PRKAA2: variants seen among roughly 807,000 people sequenced by gnomAD.
PRKAA2 encodes protein kinase AMP-activated catalytic subunit alpha 2.
In PRKAA2, 40 loss-of-function variants were observed where a neutral mutation model predicts 56.3. The observed-to-expected ratio is 0.71, with a 90% CI of 0.55 to 0.92. The LOEUF (loss-of-function observed/expected upper bound fraction) is 0.92. Ranked by LOEUF, PRKAA2 falls within the 40% of genes least tolerant of loss-of-function variation. The pLI is 0.00. For synonymous variants in PRKAA2, 214 were observed against 234.2 expected (o/e 0.91, Z 0.79); for missense variants, 542 against 686.9 (o/e 0.79, Z 2.36).
chr1:56,710,864 AC>A lies in PRKAA2; in HGVS notation c.*3152del, dbSNP rs1644365102. 1 of 152,104 alleles carries A rather than the reference AC, an allele frequency of 6.6e-6. No individual in the cohort carries two copies. The highest frequency in any genetic ancestry group is 2.4e-5 in the African/African-American group (1 of 41,450). 9.4% of individuals were successfully genotyped at this position (152,104 alleles called of 1,614,324 possible). ...TAATGAATCAGTGTCACTGATTCTT[AC>A]TTTTAAAATGTGTAGTCAGTGAACA... On this transcript the variant is annotated 3_prime_UTR_variant, in exon 9 of 9. Coordinates refer to ENST00000371244, the MANE Select transcript of PRKAA2 (RefSeq NM_006252.4).
At chr1:56,698,919 C>A (rs1644276011) in intron 6 of PRKAA2, among the ~76,000 whole-genome samples, 1 of 152,090 alleles carries the variant, frequency 6.6e-6, no homozygotes. Context: ...TCTTTGTGTT[C>A]TCCAGGTATC....
At chr1:56,684,524 C>A (rs1454526853) in intron 2 of PRKAA2, among the ~76,000 whole-genome samples, 2 of 151,882 alleles carry the variant, frequency 1.3e-5, no homozygotes. Context: ...GAGGAGGAAC[C>A]AGTAAAAGAG....
At chr1:56,680,504 C>T (rs1644145771) in intron 2 of PRKAA2, among the ~76,000 whole-genome samples, 1 of 152,110 alleles carries the variant, frequency 6.6e-6, no homozygotes, top group African/African-American at 2.4e-5. Context: ...GCTATCCCTC[C>T]CCTCTCCTGC....
intron 1 of PRKAA2, among the ~76,000 whole-genome samples, chr1:56,653,146 AT>A (rs143828673): frequency 0.43 from 65,465 of 151,078 alleles, 14,681 homozygotes; most frequent in Middle Eastern, 0.54. Flanking sequence ...TTGGTTCCAA[AT>A]AATGAAATTA....
In PRKAA2 at chr1:56,655,260, T is replaced by TTATATACATATA. The variant is rs368198472; in HGVS notation, c.94+9785_94+9786insCATATATATATA. On this transcript the variant is annotated intron_variant, in intron 1 of 8. Transcript: ENST00000371244. The stretch of plus-strand genomic sequence containing the variant: ...TTACTGTTTCTCACAATGTATGTAT[T>TTATATACATATA]TATATATCTATATATATATATTTTT... 6.3e-3 allele frequency among the ~76,000 whole-genome samples: 451 copies of TTATATACATATA among 71,212 alleles called. 34 individuals are homozygous for TTATATACATATA. The highest frequency in any genetic ancestry group is 0.024 in the Middle Eastern group (2 of 84). 46.7% of individuals were successfully genotyped at this position (71,212 alleles called of 152,430 possible).
At chr1:56,687,964 A>T (rs140152156) in intron 2 of PRKAA2, among the ~76,000 whole-genome samples, 1 of 152,112 alleles carries the variant, frequency 6.6e-6, no homozygotes, top group South Asian at 2.1e-4. Flanking sequence ...TTTCTGAAAA[A>T]TTTTTAAACT....
At position 56,709,637 on chromosome 1, in the gene PRKAA2, T is replaced by G. The variant is rs1644356716; in HGVS notation, c.*1924T>G. Reference sequence around the variant, plus strand: ...ACAGGGCCACCTCATAATATTTGCCTGATTATGAATGGAATTACCTTAGAA... The same window carrying G: ...ACAGGGCCACCTCATAATATTTGCCGGATTATGAATGGAATTACCTTAGAA... On this transcript the variant is annotated 3_prime_UTR_variant, in exon 9 of 9. Coordinates refer to ENST00000371244, the MANE Select transcript of PRKAA2 (RefSeq NM_006252.4). The G allele has an allele frequency of 6.6e-6, 1 of 152,114 alleles. No individual in the cohort carries two copies. Among genetic ancestry groups the G allele is most frequent in the African/African-American group, 2.4e-5 (1 of 41,444 alleles). 9.4% of individuals were successfully genotyped at this position (152,114 alleles called of 1,614,324 possible).
chr1:56,658,587 T>TC (rs35263676), intron 1 of PRKAA2, among the ~76,000 whole-genome samples: 9,667 of 129,916 alleles, frequency 0.074, 1,047 homozygotes, highest in African/African-American at 0.18. Context: ...TTTTTTTTCT[T>TC]CCCCCCCCCC....
At chr1:56,665,546 A>T (rs1325804502) in intron 1 of PRKAA2, among the ~76,000 whole-genome samples, 2 of 152,190 alleles carry the variant, frequency 1.3e-5, no homozygotes, top group Non-Finnish European at 2.9e-5. Flanking sequence ...AATACTTGGG[A>T]GTGAAATCAC....
At chr1:56,689,897 GACACACACACACACACAC>G (rs3034077) in intron 2 of PRKAA2, among the ~76,000 whole-genome samples, 80 of 147,142 alleles carry the variant, frequency 5.4e-4, no homozygotes, top group South Asian at 2.9e-3. Flanking sequence ...CAGACACACA[GACACACACACACACACAC>G]ACACACACAC....
chr1:56,649,770 C>A (rs1646672428), intron 1 of PRKAA2, among the ~76,000 whole-genome samples: 1 of 152,216 alleles, frequency 6.6e-6, no homozygotes, highest in Non-Finnish European at 1.5e-5. Flanking sequence ...TCCCACCATG[C>A]CCAACTTTGA....
intron 7 of PRKAA2, among the ~76,000 whole-genome samples, chr1:56,705,519 C>T (rs560944800): frequency 6.6e-6 from 1 of 152,164 alleles, no homozygotes; most frequent in South Asian, 2.1e-4. Flanking sequence ...CCTCAGCCTC[C>T]CTAGTAGCTG....
intron 7 of PRKAA2, 88 bp from the exon 8 acceptor site, chr1:56,706,004 C>T (rs761398464): frequency 7.1e-6 from 8 of 1,133,138 alleles, no homozygotes; most frequent in Non-Finnish European, 9.9e-6. Flanking sequence ...TTTCCTACCT[C>T]ACCCCTATTA....
At position 56,708,932 on chromosome 1, in the gene PRKAA2, GTTTT is replaced by G. The variant is rs1644351445; in HGVS notation, c.*1223_*1226del. 2 of 151,716 alleles carry G rather than the reference GTTTT, an allele frequency of 1.3e-5. No homozygotes were observed. Among genetic ancestry groups the G allele is most frequent in the Non-Finnish European group, 1.5e-5 (1 of 67,956 alleles). 9.4% of individuals were successfully genotyped at this position (151,716 alleles called of 1,614,324 possible). ...CACCAGTGCTTTTAAGCAAAAACCA[GTTTT>G]TTTGTTTGTTTGTTTTGCTTTGTGC... On this transcript the variant is annotated 3_prime_UTR_variant, in exon 9 of 9. Transcript: ENST00000371244.
intron 1 of PRKAA2, among the ~76,000 whole-genome samples, chr1:56,666,865 A>C (rs918031984): frequency 1.3e-5 from 2 of 152,198 alleles, no homozygotes; most frequent in African/African-American, 2.4e-5. Flanking sequence ...TTAGGTGCAT[A>C]ACATGCTGTG....
rs537112327 is a variant in PRKAA2 at position 56,705,033 on chromosome 1, A to G, written c.1293+558A>G. On this transcript the variant is annotated intron_variant, in intron 7 of 8. Coordinates refer to ENST00000371244, the MANE Select transcript of PRKAA2 (RefSeq NM_006252.4). Reference sequence around the variant, plus strand: ...TGCTTTTCTTAAAAATTAGTGCTCAATTTCATTTGAGTTCTATTTGAATAT... The same window carrying G: ...TGCTTTTCTTAAAAATTAGTGCTCAGTTTCATTTGAGTTCTATTTGAATAT... 7.9e-5 allele frequency among the ~76,000 whole-genome samples: 12 copies of G among 152,172 alleles called. No homozygotes were observed. The South Asian group carries it at 2.3e-3, about 29-fold the overall frequency.
intron 2 of PRKAA2, among the ~76,000 whole-genome samples, chr1:56,681,205 T>C (rs1416660527): frequency 6.6e-6 from 1 of 152,202 alleles, no homozygotes; most frequent in Non-Finnish European, 1.5e-5. Context: ...GATGGGGTTG[T>C]TTGATTTTTT....
At chr1:56,678,736 C>T (rs559909391) in intron 2 of PRKAA2, among the ~76,000 whole-genome samples, 1 of 149,446 alleles carries the variant, frequency 6.7e-6, no homozygotes, top group Non-Finnish European at 1.5e-5. Context: ...CGCTCTGTTG[C>T]CCAGGCTGGA....
At chr1:56,686,042 G>A (rs1030339598) in intron 2 of PRKAA2, among the ~76,000 whole-genome samples, 1 of 152,176 alleles carries the variant, frequency 6.6e-6, no homozygotes, top group Non-Finnish European at 1.5e-5. Flanking sequence ...CAAATTCAAT[G>A]TGAAATGATG....
Sources: gnomAD v4.1 joint callset for allele counts (sites outside exome capture counted in the v4.1 genomes callset) on GRCh38, gnomAD v4.1.1 for gene constraint, MANE v1.5 for transcripts, NCBI Gene and HGNC (gene_info 2026-07-23, HGNC 2026-07-21) for gene names.